Variants in LCA5 observed in about 807,000 individuals in gnomAD.
LCA5 encodes lebercilin LCA5.
In LCA5, 37 loss-of-function variants were observed where a neutral mutation model predicts 53.0. The observed-to-expected ratio is 0.70, with a 90% CI of 0.54 to 0.92. LCA5 has a LOEUF of 0.92. LCA5 is among the 40% of genes least tolerant of loss of function. LCA5 has a pLI of 0.00. For synonymous variants in LCA5, 303 were observed against 282.9 expected (o/e 1.07, Z -0.71); for missense variants, 806 against 790.5 (o/e 1.02, Z -0.23).
chr6:79,517,049 C>T (rs907519533), intron 2 of LCA5, among the ~76,000 whole-genome samples: 3 of 151,886 alleles, frequency 2.0e-5, no homozygotes, highest in Admixed American at 6.6e-5. Flanking sequence ...CACGCAAACC[C>T]GAAAATTCGT....
At chr6:79,522,492 G>A (rs1287585680) in intron 1 of LCA5, among the ~76,000 whole-genome samples, 1 of 151,944 alleles carries the variant, frequency 6.6e-6, no homozygotes, top group African/African-American at 2.4e-5. Context: ...AAAAAATCCA[G>A]ACTGTAGCAA....
chr6:79,513,521 T>C lies in LCA5; in HGVS notation c.411A>G (p.Lys137=). ...AELLKENKSL[K]RLQYRQEKAL... is the part of the protein sequence containing the mutation. Reference sequence around the variant, plus strand: ...CTTTCTCCTGTCTGTACTGAAGCCTTTTCAAAGATTTATTTTCTTTTAGCA... The same window carrying C: ...CTTTCTCCTGTCTGTACTGAAGCCTCTTCAAAGATTTATTTTCTTTTAGCA... Residue 137 remains lysine, a synonymous_variant, in exon 3 of 8, where the codon AAA becomes AAG. Transcript: ENST00000369846. 2 of 1,613,956 alleles carry C rather than the reference T, an allele frequency of 1.2e-6. No homozygotes were observed. Among genetic ancestry groups the C allele is most frequent in the Non-Finnish European group, 1.7e-6 (2 of 1,179,912 alleles).
chr6:79,487,976 C>A, intron 7 of LCA5, 110 bp from the exon 8 acceptor site: 1 of 849,838 alleles, frequency 1.2e-6, no homozygotes, highest in South Asian at 1.7e-5. Context: ...TATTATAAAT[C>A]AAGTGAGAAA....
At chr6:79,500,504 T>C (rs911107962) in intron 3 of LCA5, among the ~76,000 whole-genome samples, 1 of 152,214 alleles carries the variant, frequency 6.6e-6, no homozygotes, top group Non-Finnish European at 1.5e-5. Flanking sequence ...ATCTGTTCAG[T>C]GTTGTTATAG....
chr6:79,523,416 A>AG lies in LCA5; in HGVS notation c.-191-4332_-191-4331insC, dbSNP rs536472317. Among the ~76,000 whole-genome samples the AG allele has an allele frequency of 1.6e-4, 25 of 152,334 alleles. 1 individual carries two copies. The South Asian group carries it at 5.2e-3, about 32-fold the overall frequency. On this transcript the variant is annotated intron_variant, in intron 1 of 7. Transcript: ENST00000369846. ...GTAAATCTGGAGCGTTTACCTCTCA[A>AG]TGTAAGTCTAACTTTTTAAAATGTA...
At chr6:79,488,178 T>G in intron 7 of LCA5, 1 of 274,806 alleles carries the variant, frequency 3.6e-6, no homozygotes, top group Non-Finnish European at 6.7e-6. Context: ...GATGGATAGA[T>G]GGAGCAAAGA....
chr6:79,518,183 T>C (rs781344953), intron 2 of LCA5, among the ~76,000 whole-genome samples: 4 of 152,164 alleles, frequency 2.6e-5, no homozygotes, highest in Non-Finnish European at 5.9e-5. Context: ...ATTAATCCAG[T>C]TTCCATTATA....
upstream of LCA5, chr6:79,537,485 C>A (rs985243112): frequency 2.2e-4 from 34 of 152,310 alleles, 1 homozygote; most frequent in African/African-American, 7.7e-4. Flanking sequence ...CTCCCATTGG[C>A]TTCTGTCTCC....
chr6:79,494,763 CT>C (rs1222775038), intron 3 of LCA5, among the ~76,000 whole-genome samples: 2 of 152,122 alleles, frequency 1.3e-5, no homozygotes, highest in Non-Finnish European at 2.9e-5. Context: ...CTAAATTCTG[CT>C]GTTCATTATT....
In LCA5 at chr6:79,487,352, G is replaced by A. The variant is rs183011135; in HGVS notation, c.1746C>T (p.Asn582=). 2.2e-4 allele frequency: 354 copies of A among 1,613,028 alleles called. No individual in the cohort carries two copies. The highest frequency in any genetic ancestry group is 3.3e-4 in the Middle Eastern group (2 of 6,060). Residue 582 remains asparagine (N), a synonymous_variant, in exon 8 of 8, where the codon AAC becomes AAT. Coordinates refer to ENST00000369846, the MANE Select transcript of LCA5 (RefSeq NM_001122769.3). ...QKSSFLDFQR[N]SMEKLSKDGV... is the part of the protein sequence containing the mutation. ...CATCTTTACTAAGTTTTTCCATACT[G>A]TTTCTTTGGAAATCCAAAAAACTAC...
chr6:79,514,264 A>G (rs1249371372), intron 2 of LCA5, among the ~76,000 whole-genome samples: 1 of 152,096 alleles, frequency 6.6e-6, no homozygotes, highest in Non-Finnish European at 1.5e-5. Context: ...CTTCTTTTGA[A>G]AAGTGTCTGT....
At chr6:79,527,524 T>G (rs1052224840) in intron 1 of LCA5, among the ~76,000 whole-genome samples, 1 of 152,140 alleles carries the variant, frequency 6.6e-6, no homozygotes, top group Non-Finnish European at 1.5e-5. Flanking sequence ...GGCAAATAAG[T>G]ATCTTTGCCC....
chr6:79,489,987 C>T (rs1424854067), intron 6 of LCA5, among the ~76,000 whole-genome samples: 3 of 151,972 alleles, frequency 2.0e-5, no homozygotes, highest in Admixed American at 6.6e-5. Flanking sequence ...TCCTTGTTGC[C>T]CTTTCCCACA....
At chr6:79,528,350 A>G (rs1054605125) in intron 1 of LCA5, among the ~76,000 whole-genome samples, 1 of 152,132 alleles carries the variant, frequency 6.6e-6, no homozygotes, top group Admixed American at 6.6e-5. Flanking sequence ...CCACATCCCA[A>G]ACATCAGTGG....
chr6:79,523,605 A>G (rs1766691925), intron 1 of LCA5, among the ~76,000 whole-genome samples: 1 of 152,244 alleles, frequency 6.6e-6, no homozygotes, highest in Non-Finnish European at 1.5e-5. Context: ...GTTCTTTGTC[A>G]ACAACTTTCA....
rs193001290 is a variant in LCA5 at position 79,494,480 on chromosome 6, T to A, written c.721-730A>T. ...TCATTTCTAACTTGCGGGCTTTTTT[T>A]AAAGCATCTTATAGATAGATAGATA... On this transcript the variant is annotated intron_variant, in intron 3 of 7. Coordinates refer to ENST00000369846, the MANE Select transcript of LCA5 (RefSeq NM_001122769.3). Among the ~76,000 whole-genome samples the A allele has an allele frequency of 2.4e-3, 360 of 152,072 alleles. 2 individuals carry two copies. The highest frequency in any genetic ancestry group is 8.4e-3 in the African/African-American group (347 of 41,432).
intron 3 of LCA5, among the ~76,000 whole-genome samples, chr6:79,503,171 T>C (rs1163609637): frequency 6.6e-6 from 1 of 152,214 alleles, no homozygotes; most frequent in Non-Finnish European, 1.5e-5. Flanking sequence ...CATGAGCTAC[T>C]GCACCCGGCC....
chr6:79,499,045 C>T (rs1770060244), intron 3 of LCA5, among the ~76,000 whole-genome samples: 2 of 152,000 alleles, frequency 1.3e-5, no homozygotes, highest in Admixed American at 6.6e-5. Context: ...TAAACAGCAC[C>T]TATCCCAAGA....
At position 79,518,954 on chromosome 6, in the gene LCA5, T is replaced by A; in HGVS notation, c.-60A>T. On this transcript the variant is annotated 5_prime_UTR_variant, in exon 2 of 8. Coordinates refer to ENST00000369846, the MANE Select transcript of LCA5 (RefSeq NM_001122769.3). ...ACAGATTATTTTCTCCAGAGGAGAC[T>A]ATGACAATACTGAAAAACATTTTCA... 5 of 1,477,530 alleles carry A rather than the reference T, an allele frequency of 3.4e-6. No homozygotes were observed. Among genetic ancestry groups the A allele is most frequent in the Non-Finnish European group, 4.7e-6 (5 of 1,055,590 alleles). 91.5% of individuals were successfully genotyped at this position (1,477,530 alleles called of 1,614,324 possible).
Sources: allele counts gnomAD v4.1 joint callset (sites outside exome capture counted in the v4.1 genomes callset), GRCh38; gene constraint gnomAD v4.1.1; transcripts MANE v1.5; gene names NCBI Gene and HGNC (gene_info 2026-07-23, HGNC 2026-07-21).